CCDC144A: variants seen among roughly 807,000 people sequenced by gnomAD.
The protein encoded by CCDC144A is coiled-coil domain containing 144A.
Under a neutral mutation model 143.8 loss-of-function variants are expected in CCDC144A, and 41 were observed. The observed-to-expected ratio is 0.29, with a 90% CI of 0.22 to 0.37. The LOEUF is 0.37. CCDC144A is among the 10% of genes least tolerant of loss of function. The pLI is 1.00. For missense variants in CCDC144A, 637 were observed against 1,488.8 expected, an observed-to-expected ratio of 0.43 and a Z score of 9.41; for synonymous variants, 242 against 517.9, an observed-to-expected ratio of 0.47 and a Z score of 7.23.
At chr17:16,746,269 C>T (rs1338299209) in intron 12 of CCDC144A, 300 of 951,786 alleles carry the variant, frequency 3.2e-4, no homozygotes, top group Non-Finnish European at 4.0e-4. Context: ...GTCTCTCTCT[C>T]TCTTTTTTTT....
chr17:16,733,728 G>A (rs1307654085), intron 11 of CCDC144A, among the ~76,000 whole-genome samples: 1 of 151,698 alleles, frequency 6.6e-6, no homozygotes, highest in Non-Finnish European at 1.5e-5. Context: ...TTGTGGTTTG[G>A]TGGAAGAGCA....
intron 12 of CCDC144A, among the ~76,000 whole-genome samples, chr17:16,757,836 A>G (rs1915170808): frequency 6.6e-6 from 1 of 152,216 alleles, no homozygotes; most frequent in Admixed American, 6.5e-5. Flanking sequence ...CTGGTGGGCT[A>G]TTAGATGACC....
chr17:16,768,846 T>A (rs1915713448), intron 15 of CCDC144A, among the ~76,000 whole-genome samples: 2 of 151,284 alleles, frequency 1.3e-5, no homozygotes, highest in African/African-American at 4.9e-5. Flanking sequence ...TTGTGAAGAA[T>A]GTATGGTAAG....
chr17:16,768,553 A>T (rs1242440925), intron 15 of CCDC144A, among the ~76,000 whole-genome samples: 2 of 152,256 alleles, frequency 1.3e-5, no homozygotes, highest in African/African-American at 2.4e-5. Flanking sequence ...CATTGTAGTG[A>T]TAATAGATTG....
At chr17:16,767,826 G>A (rs1288617555) in intron 15 of CCDC144A, among the ~76,000 whole-genome samples, 1 of 152,214 alleles carries the variant, frequency 6.6e-6, no homozygotes, top group Non-Finnish European at 1.5e-5. Flanking sequence ...ATGACAGTTA[G>A]CATTTATTGC....
At chr17:16,669,712 A>G in the CCDC144A span, among the ~76,000 whole-genome samples, 567 of 152,314 alleles carry the variant, frequency 3.7e-3, 6 homozygotes, top group African/African-American at 0.013. Context: ...TGGACACCAT[A>G]CCTCTAGGTT....
intron 2 of CCDC144A, among the ~76,000 whole-genome samples, chr17:16,704,879 G>A (rs1306447891): frequency 2.0e-5 from 3 of 152,060 alleles, no homozygotes; most frequent in East Asian, 1.9e-4. Flanking sequence ...TTAATGGAAA[G>A]CAAAATATGT....
At chr17:16,710,042 G>T (rs1358747126) in intron 5 of CCDC144A, 1 of 202,002 alleles carries the variant, frequency 5.0e-6, no homozygotes. Context: ...ACTAAGAAGA[G>T]ATATAAAAAT....
intron 6 of CCDC144A, among the ~76,000 whole-genome samples, chr17:16,717,092 C>T (rs1327607975): frequency 8.8e-5 from 13 of 148,138 alleles, no homozygotes; most frequent in Middle Eastern, 7.1e-3. Flanking sequence ...TGAGCCACCG[C>T]GCTCGGCCAG....
At chr17:16,667,973 C>A in the CCDC144A span, among the ~76,000 whole-genome samples, 1 of 149,218 alleles carries the variant, frequency 6.7e-6, no homozygotes, top group Non-Finnish European at 1.5e-5. Flanking sequence ...TTGTTTGTTT[C>A]GCAAAATCAC....
At chr17:16,684,878 C>A (rs1395889091), upstream of CCDC144A, among the ~76,000 whole-genome samples, 2 of 152,098 alleles carry the variant, frequency 1.3e-5, no homozygotes, top group Non-Finnish European at 2.9e-5. Context: ...GGGAGGATGA[C>A]TTGAGCTGGG....
chr17:16,755,037 GATATAA>G (rs1366492125), intron 12 of CCDC144A, among the ~76,000 whole-genome samples: 1 of 152,088 alleles, frequency 6.6e-6, no homozygotes, highest in Non-Finnish European at 1.5e-5. Flanking sequence ...TATTTTGTCT[GATATAA>G]ATATAGCTAC....
chr17:16,714,055 ACT>A (rs1466326270), intron 6 of CCDC144A, among the ~76,000 whole-genome samples: 1 of 151,162 alleles, frequency 6.6e-6, no homozygotes, highest in African/African-American at 2.4e-5. Flanking sequence ...CCAATGGAAA[ACT>A]CTCTCCTCCA....
chr17:16,730,078 A>C (rs960594990), intron 9 of CCDC144A, among the ~76,000 whole-genome samples: 1 of 131,766 alleles, frequency 7.6e-6, no homozygotes, highest in East Asian at 2.1e-4. Context: ...GGCTCAAGTC[A>C]TTCTCCTGCC....
chr17:16,716,631 T>A (rs1311824727), intron 6 of CCDC144A, among the ~76,000 whole-genome samples: 1 of 152,154 alleles, frequency 6.6e-6, no homozygotes, highest in Non-Finnish European at 1.5e-5. Flanking sequence ...AACACTAAGA[T>A]TTTTTTCTTC....
chr17:16,733,668 GT>G (rs1392355148), intron 11 of CCDC144A, among the ~76,000 whole-genome samples: 5 of 150,860 alleles, frequency 3.3e-5, no homozygotes, highest in Non-Finnish European at 7.4e-5. Flanking sequence ...TACCACTGGT[GT>G]TTTGAAATAA....
intron 11 of CCDC144A, among the ~76,000 whole-genome samples, chr17:16,734,397 A>G (rs2621563): frequency 6.6e-6 from 1 of 151,976 alleles, no homozygotes; most frequent in East Asian, 1.9e-4. Context: ...AAATTTATTA[A>G]TCTTTAATGC....
chr17:16,721,886 AT>A (rs1913109786), intron 8 of CCDC144A, among the ~76,000 whole-genome samples: 1 of 152,194 alleles, frequency 6.6e-6, no homozygotes, highest in Non-Finnish European at 1.5e-5. Context: ...TGTGATCATG[AT>A]TGTGAATAAA....
chr17:16,690,682 T>G lies in CCDC144A; in HGVS notation c.282T>G (p.Pro94=). 6.2e-7 allele frequency: 1 copy of G among 1,613,828 alleles called. No homozygotes were observed. Among genetic ancestry groups the G allele is most frequent in the East Asian group, 2.2e-5 (1 of 44,862 alleles). ...GAGCTGCCCGGTCGGGCGACGTCCC[T>G]GGGGTGGAGCACATCTTAGCTCCTG... is the stretch of plus-strand genomic sequence containing the variant. The part of the protein sequence containing the change: ...LHRAARSGDV[P]GVEHILAPGD... Residue 94 remains proline, a synonymous_variant, in exon 1 of 17, where the codon CCT becomes CCG. Transcript: ENST00000399273.
Sources: gnomAD v4.1 joint callset for allele counts (sites outside exome capture counted in the v4.1 genomes callset) on GRCh38, gnomAD v4.1.1 for gene constraint, MANE v1.5 for transcripts, NCBI Gene and HGNC (gene_info 2026-07-23, HGNC 2026-07-21) for gene names.